The following TNS3 variants were observed in gnomAD, a reference collection of about 807,000 sequenced individuals.
TNS3 encodes the protein tensin-3.
TNS3 carries 45 observed loss-of-function variants against 140.9 expected under a neutral mutation model. The observed-to-expected ratio is 0.32, with a 90% CI of 0.25 to 0.41. The LOEUF (loss-of-function observed/expected upper bound fraction) is 0.41, where lower values mean the gene tolerates loss of function less well. TNS3 is among the 10% of genes least tolerant of loss of function. TNS3 has a pLI of 1.00. For synonymous variants in TNS3, 815 were observed against 788.4 expected, an observed-to-expected ratio of 1.03 and a Z score of -0.56; for missense variants, 1,716 against 1,906.7, an observed-to-expected ratio of 0.90 and a Z score of 1.86.
rs1489935796 is a variant in TNS3, at chr7:47,407,528, C to A, written c.723+4199G>T. Among the ~76,000 whole-genome samples, 1 of 152,190 alleles carries A rather than the reference C, an allele frequency of 6.6e-6. No individual in the cohort carries two copies. Among genetic ancestry groups the A allele is most frequent in the African/African-American group, 2.4e-5 (1 of 41,452 alleles). On this transcript the variant is annotated intron_variant, in intron 13 of 30. Coordinates refer to ENST00000311160, the MANE Select transcript of TNS3 (RefSeq NM_022748.12). This position sits in a 1 kb window ranked among gnomAD's most constrained non-coding sequence, Gnocchi z 4.1. ...CACAGGGACTGGGCCGTCAATGGCA[C>A]CTGACTGCGCTAGTAATCTTACTAA...
At chr7:47,299,123 C>T (rs1786232291) in intron 23 of TNS3, among the ~76,000 whole-genome samples, 1 of 152,212 alleles carries the variant, frequency 6.6e-6, no homozygotes, top group Non-Finnish European at 1.5e-5. Flanking sequence ...ACGTGAATGA[C>T]ATTTTTTCAG....
intron 1 of TNS3, among the ~76,000 whole-genome samples, chr7:47,577,800 C>A (rs1347648254): frequency 6.6e-6 from 1 of 152,126 alleles, no homozygotes; most frequent in East Asian, 1.9e-4. Flanking sequence ...GGGCTGTTTG[C>A]AGAGGGCTCC....
chr7:47,330,682 A>T (rs1788284309), intron 20 of TNS3, among the ~76,000 whole-genome samples: 1 of 152,108 alleles, frequency 6.6e-6, no homozygotes, highest in South Asian at 2.1e-4. Context: ...GGAGGAAGAC[A>T]CAAGCAGACT....
intron 1 of TNS3, among the ~76,000 whole-genome samples, chr7:47,563,181 A>G (rs12669569): frequency 0.28 from 43,360 of 152,170 alleles, 7,618 homozygotes; most frequent in East Asian, 0.53. Flanking sequence ...CTGCATGGGC[A>G]CCTGCCAGAA....
At position 47,372,067 on chromosome 7, in the gene TNS3, G is replaced by T. The variant is rs368561581; in HGVS notation, c.1025-2446C>A. Among the ~76,000 whole-genome samples the T allele has an allele frequency of 9.8e-5, 15 of 152,350 alleles. No individual in the cohort carries two copies. In the East Asian group the frequency reaches 2.1e-3, roughly 22 times the overall value. On this transcript the variant is annotated intron_variant, in intron 16 of 30. Coordinates refer to ENST00000311160, the MANE Select transcript of TNS3 (RefSeq NM_022748.12). ...TACCAGGAAAATTTAACAAATGAAA[G>T]AACCTGGTAAATCCTTCCTGCTGTT...
intron 4 of TNS3, among the ~76,000 whole-genome samples, chr7:47,446,985 G>T (rs950106254): frequency 1.3e-5 from 2 of 150,430 alleles, no homozygotes; most frequent in Non-Finnish European, 3.0e-5. Flanking sequence ...TCCGTGCCCG[G>T]CCAGACTGCT....
In TNS3 at chr7:47,275,822, G is replaced by A. The variant is rs377480651; in HGVS notation, c.*2254C>T. On this transcript the variant is annotated 3_prime_UTR_variant, in exon 31 of 31. Coordinates refer to ENST00000311160, the MANE Select transcript of TNS3 (RefSeq NM_022748.12). ...AATGAGTTCAAAAAGCACGTTTGCAGGGCTTCCTGAATGCCGTCGAGGCAT... is the reference window on the plus strand; with the variant it reads ...AATGAGTTCAAAAAGCACGTTTGCAAGGCTTCCTGAATGCCGTCGAGGCAT... 1.1e-3 allele frequency: 507 copies of A among 456,034 alleles called. 18 individuals are homozygous for A. Among genetic ancestry groups the A allele is most frequent in the South Asian group, 7.7e-3 (494 of 64,550 alleles). The allele number at this position is 456,034 out of a possible 1,614,324, so 28.2% of individuals were successfully genotyped here. A position where few individuals can be genotyped will look rare whatever the true frequency, so the allele number is the denominator to read the frequency against.
At chr7:47,496,209 G>A (rs1798002065) in intron 3 of TNS3, among the ~76,000 whole-genome samples, 1 of 152,230 alleles carries the variant, frequency 6.6e-6, no homozygotes, top group Non-Finnish European at 1.5e-5. Context: ...GGGGTAGTAA[G>A]ATAAGCACGT....
intron 3 of TNS3, among the ~76,000 whole-genome samples, chr7:47,498,506 T>G (rs1017681621): frequency 6.6e-6 from 1 of 152,260 alleles, no homozygotes; most frequent in African/African-American, 2.4e-5. Context: ...AGGTATGTGT[T>G]GTTTCATCTG....
chr7:47,401,046 G>T, intron 13 of TNS3, 132 bp from the exon 14 acceptor site: 3 of 1,348,450 alleles, frequency 2.2e-6, no homozygotes, highest in South Asian at 2.8e-5. Context: ...TCACGCTTTG[G>T]AGTGGAACTT....
At chr7:47,447,768 G>T (rs559212213) in intron 4 of TNS3, among the ~76,000 whole-genome samples, 32 of 152,224 alleles carry the variant, frequency 2.1e-4, no homozygotes, top group African/African-American at 7.2e-4. Context: ...CCATCCCACA[G>T]CGCCCCACCC....
At chr7:47,408,435 G>A (rs554954393) in intron 13 of TNS3, among the ~76,000 whole-genome samples, 2 of 151,418 alleles carry the variant, frequency 1.3e-5, no homozygotes, top group Admixed American at 1.3e-4. Context: ...AGGATAAGAC[G>A]CAGCACCATG....
chr7:47,364,639 G>A (rs756834564), intron 17 of TNS3, among the ~76,000 whole-genome samples: 1 of 152,216 alleles, frequency 6.6e-6, no homozygotes, highest in Non-Finnish European at 1.5e-5. Context: ...TCTACACTGT[G>A]CAGGCTTTTG....
At chr7:47,398,870 G>A (rs777451251) in intron 15 of TNS3, among the ~76,000 whole-genome samples, 16 of 152,008 alleles carry the variant, frequency 1.1e-4, no homozygotes, top group Non-Finnish European at 2.2e-4. Flanking sequence ...AATCGGAAAA[G>A]AGGAATTAAA....
chr7:47,360,633 A>T (rs1311980608), intron 17 of TNS3, among the ~76,000 whole-genome samples: 1 of 152,154 alleles, frequency 6.6e-6, no homozygotes, highest in Non-Finnish European at 1.5e-5. Flanking sequence ...CCCTGGGCTG[A>T]CTGAGACCAT....
At chr7:47,511,930 C>A (rs187496074) in intron 2 of TNS3, among the ~76,000 whole-genome samples, 40 of 152,352 alleles carry the variant, frequency 2.6e-4, no homozygotes, top group African/African-American at 9.4e-4. Context: ...TCCATGCAGC[C>A]CCGTTATTGG....
chr7:47,457,696 G>T (rs548805773), intron 4 of TNS3, among the ~76,000 whole-genome samples: 1 of 151,980 alleles, frequency 6.6e-6, no homozygotes, highest in African/African-American at 2.4e-5. Context: ...ACACACTATG[G>T]TGCCCTCCAT....
At chr7:47,290,222 T>G (rs1051661193) in intron 27 of TNS3, among the ~76,000 whole-genome samples, 1 of 152,198 alleles carries the variant, frequency 6.6e-6, no homozygotes, top group Non-Finnish European at 1.5e-5. Context: ...CCTTACTTCC[T>G]TCACAAAAAT....
chr7:47,278,048 C>T lies in TNS3; in HGVS notation c.*28G>A. The T allele has an allele frequency of 2.5e-6, 4 of 1,613,760 alleles. No individual in the cohort carries two copies. The highest frequency in any genetic ancestry group is 2.5e-6 in the Non-Finnish European group (3 of 1,179,786). ...CTGTCTCCAGGGCTTCGAGAGGCAT[C>T]GGTGGGTCCAGGGAGGGAGGGGAGT... On this transcript the variant is annotated 3_prime_UTR_variant, in exon 31 of 31. Coordinates refer to ENST00000311160, the MANE Select transcript of TNS3 (RefSeq NM_022748.12).
Sources: gnomAD v4.1 joint callset for allele counts (sites outside exome capture counted in the v4.1 genomes callset) on GRCh38, gnomAD v4.1.1 for gene constraint, Gnocchi (gnomAD v3.1) non-coding constraint, MANE v1.5 for transcripts, NCBI Gene and HGNC (gene_info 2026-07-23, HGNC 2026-07-21) for gene names.